Variants in CHERP observed in about 807,000 individuals in gnomAD.
CHERP encodes ERPROT 213-21.
In CHERP, 8 loss-of-function variants were observed where a neutral mutation model predicts 113.8. That is an observed-to-expected ratio of 0.07 (90% CI 0.04 to 0.13). The LOEUF is 0.13. CHERP is among the 10% of genes least tolerant of loss of function. The probability of loss-of-function intolerance (pLI) is 1.00; values close to 1 mark genes in which losing one functional copy is unlikely to be tolerated. For missense variants in CHERP, 884 were observed against 1,298.2 expected (o/e 0.68, Z 4.90); for synonymous variants, 559 against 524.5 (o/e 1.07, Z -0.90).
Position 16,520,591 on chromosome 19 carries a change from C to T in CHERP, c.2202-84G>A. 1 of 1,474,430 alleles carries T rather than the reference C, an allele frequency of 6.8e-7. No homozygotes were observed. The highest frequency in any genetic ancestry group is 1.3e-5 in the South Asian group (1 of 78,520). 91.3% of individuals were successfully genotyped at this position (1,474,430 alleles called of 1,614,324 possible). A position where few individuals can be genotyped will look rare whatever the true frequency, so the allele number is the denominator to read the frequency against. On this transcript the variant is annotated intron_variant, in intron 13 of 16. Coordinates refer to ENST00000546361, the MANE Select transcript of CHERP (RefSeq NM_006387.6). This position sits in a 1 kb window ranked among gnomAD's most constrained non-coding sequence, Gnocchi z 4.0. Reference sequence around the variant, plus strand: ...CTGGCCCTCAGGTTCCTAGACCACCCCAGATGCAGGGGCTCTGGCTGTGGA... The same window carrying T: ...CTGGCCCTCAGGTTCCTAGACCACCTCAGATGCAGGGGCTCTGGCTGTGGA...
In CHERP at chr19:16,519,411, G is replaced by A. The variant is rs967894083; in HGVS notation, c.2558-59C>T. The A allele has an allele frequency of 3.9e-6, 6 of 1,535,204 alleles. No homozygotes were observed. Among genetic ancestry groups the A allele is most frequent in the Middle Eastern group, 1.8e-4 (1 of 5,474 alleles). ...GGCGGAGGCAGATGGGGGTGCACGT[G>A]GGGGGCTGAATGTCCAGACAGGCAG... On this transcript the variant is annotated intron_variant, in intron 16 of 16. Transcript: ENST00000546361. This position sits in a 1 kb window ranked among gnomAD's most constrained non-coding sequence, Gnocchi z 6.0.
Position 16,520,612 on chromosome 19 carries a change from G to T in CHERP, c.2202-105C>A. 7.4e-7 allele frequency: 1 copy of T among 1,357,132 alleles called. No individual in the cohort carries two copies. The highest frequency in any genetic ancestry group is 1.0e-6 in the Non-Finnish European group (1 of 978,414). The allele number at this position is 1,357,132 out of a possible 1,614,324, so 84.1% of individuals were successfully genotyped here. ...CACCCCAGATGCAGGGGCTCTGGCT[G>T]TGGATGTGGCGCCATAGCCACAGCA... On this transcript the variant is annotated intron_variant, in intron 13 of 16. Coordinates refer to ENST00000546361, the MANE Select transcript of CHERP (RefSeq NM_006387.6). This position sits in a 1 kb window ranked among gnomAD's most constrained non-coding sequence, Gnocchi z 4.0.
chr19:16,536,148 G>A (rs915396421), intron 2 of CHERP, among the ~76,000 whole-genome samples: 2 of 152,280 alleles, frequency 1.3e-5, no homozygotes, highest in East Asian at 1.9e-4. Flanking sequence ...CGCACACTGC[G>A]GCCTCCCCCA....
Position 16,525,221 on chromosome 19 carries a change from C to T in CHERP, c.1741+21G>A. The T allele has an allele frequency of 7.1e-7, 1 of 1,409,352 alleles. No homozygotes were observed. Among genetic ancestry groups the T allele is most frequent in the Non-Finnish European group, 9.2e-7 (1 of 1,081,356 alleles). The allele number at this position is 1,409,352 out of a possible 1,614,324, so 87.3% of individuals were successfully genotyped here. A position where few individuals can be genotyped will look rare whatever the true frequency, so the allele number is the denominator to read the frequency against. ...CCGTGGATGCCTCCGCCAGGCCCTA[C>T]CCAGGCGCCCGTACACTCACCGGCA... is the stretch of plus-strand genomic sequence containing the variant. On this transcript the variant is annotated intron_variant, in intron 10 of 16. Transcript: ENST00000546361. This position sits in a 1 kb window ranked among gnomAD's most constrained non-coding sequence, Gnocchi z 6.5.
In CHERP at chr19:16,532,580, C is replaced by T. The variant is rs747859806; in HGVS notation, c.674+18G>A. On this transcript the variant is annotated intron_variant, in intron 5 of 16. Transcript: ENST00000546361. The surrounding 1 kb of genome is among the most constrained non-coding windows in gnomAD (Gnocchi z 4.4). ...GCGCGAGGAAGTGGCGCTCTGGGCA[C>T]GGGGTGGCGGCGCTCACCAGTGGTG... 7.6e-6 allele frequency: 12 copies of T among 1,579,844 alleles called. No homozygotes were observed. Among genetic ancestry groups the T allele is most frequent in the East Asian group, 4.5e-5 (2 of 44,214 alleles).
At chr19:16,526,380 TA>T (rs1199337947) in intron 9 of CHERP, 1 of 152,254 alleles carries the variant, frequency 6.6e-6, no homozygotes, top group East Asian at 1.9e-4. Context: ...CGCTGACCCC[TA>T]CTAAGGGGAG....
At position 16,519,882 on chromosome 19, in the gene CHERP, G is replaced by A. The variant is rs1383438829; in HGVS notation, c.2463-167C>T. ...CGTTTATCCTGTCTCAGCTAGATAA[G>A]GGGGCTCCAGACGCTGGCCCCCACC... On this transcript the variant is annotated intron_variant, in intron 15 of 16. Coordinates refer to ENST00000546361, the MANE Select transcript of CHERP (RefSeq NM_006387.6). This position sits in a 1 kb window ranked among gnomAD's most constrained non-coding sequence, Gnocchi z 6.0. The A allele has an allele frequency of 1.0e-5, 7 of 695,102 alleles. No individual in the cohort carries two copies. Among genetic ancestry groups the A allele is most frequent in the Admixed American group, 7.1e-5 (3 of 42,074 alleles). The allele number at this position is 695,102 out of a possible 1,614,324, so 43.1% of individuals were successfully genotyped here.
rs749422815 is a variant in CHERP, at chr19:16,530,687, GGA to G, written c.787-15_787-14del. On this transcript the variant is annotated splice_polypyrimidine_tract_variant and intron_variant, in intron 6 of 16. Coordinates refer to ENST00000546361, the MANE Select transcript of CHERP (RefSeq NM_006387.6). This position sits in a 1 kb window ranked among gnomAD's most constrained non-coding sequence, Gnocchi z 4.1. ...AGAGCTGCAGGAGCTGGCGGTGGGA[GGA>G]GAGAGAGGCCGGGTCAGTGGGGAGG... 1.4e-5 allele frequency: 23 copies of G among 1,613,946 alleles called. No homozygotes were observed. The highest frequency in any genetic ancestry group is 2.2e-5 in the South Asian group (2 of 91,096).
rs1044375094 is a variant in CHERP at position 16,532,344 on chromosome 19, T to C, written c.674+254A>G. ...GACAGTGGCCCCCAGGAGACAGCAA[T>C]GTGACAGGTGAGGCCGGGGTCTAGG... On this transcript the variant is annotated intron_variant, in intron 5 of 16. Transcript: ENST00000546361. This position sits in a 1 kb window ranked among gnomAD's most constrained non-coding sequence, Gnocchi z 4.4. 5.3e-5 allele frequency: 24 copies of C among 455,096 alleles called. No individual in the cohort carries two copies. The highest frequency in any genetic ancestry group is 9.0e-5 in the Non-Finnish European group (23 of 255,278). 28.2% of individuals were successfully genotyped at this position (455,096 alleles called of 1,614,324 possible). A position where few individuals can be genotyped will look rare whatever the true frequency, so the allele number is the denominator to read the frequency against.
At chr19:16,534,733 CAAAGTGCTGGGAT>C (rs2085729727) in intron 3 of CHERP, among the ~76,000 whole-genome samples, 2 of 152,162 alleles carry the variant, frequency 1.3e-5, no homozygotes, top group Non-Finnish European at 2.9e-5. Flanking sequence ...CTCAGCCTCC[CAAAGTGCTGGGAT>C]TACAGGTGTG....
At position 16,519,853 on chromosome 19, in the gene CHERP, T is replaced by C; in HGVS notation, c.2463-138A>G. 1 of 795,034 alleles carries C rather than the reference T, an allele frequency of 1.3e-6. No homozygotes were observed. The highest frequency in any genetic ancestry group is 2.2e-6 in the Non-Finnish European group (1 of 464,156). The allele number at this position is 795,034 out of a possible 1,614,324, so 49.2% of individuals were successfully genotyped here. On this transcript the variant is annotated intron_variant, in intron 15 of 16. Coordinates refer to ENST00000546361, the MANE Select transcript of CHERP (RefSeq NM_006387.6). The surrounding 1 kb of genome is among the most constrained non-coding windows in gnomAD (Gnocchi z 6.0). ...ACACCGTATGCAGATTTTGCGTCTCTACCCGTTTATCCTGTCTCAGCTAGA... is the reference window on the plus strand; with the variant it reads ...ACACCGTATGCAGATTTTGCGTCTCCACCCGTTTATCCTGTCTCAGCTAGA...
In CHERP at chr19:16,530,979, T is replaced by C. The variant is rs1174456305; in HGVS notation, c.675-99A>G. ...TCCAGCCTCAGCGCCCTCTGCCTTC[T>C]CGGGAATCGGGTCCCCAACCCGGTC... On this transcript the variant is annotated intron_variant, in intron 5 of 16. Transcript: ENST00000546361. The surrounding 1 kb of genome is among the most constrained non-coding windows in gnomAD (Gnocchi z 4.1). 2.7e-5 allele frequency: 40 copies of C among 1,506,616 alleles called. No individual in the cohort carries two copies. Among genetic ancestry groups the C allele is most frequent in the Non-Finnish European group, 3.5e-5 (39 of 1,129,596 alleles). 93.3% of individuals were successfully genotyped at this position (1,506,616 alleles called of 1,614,324 possible).
chr19:16,521,342 CTTCA>C (rs1051546973), intron 12 of CHERP, 175 bp downstream of exon 12: 14 of 600,492 alleles, frequency 2.3e-5, no homozygotes, highest in East Asian at 5.8e-5. Context: ...TTAAAACGCC[CTTCA>C]TTGAGGGCCA....
intron 9 of CHERP, among the ~76,000 whole-genome samples, chr19:16,527,765 AG>A (rs1034909477): frequency 1.3e-5 from 2 of 152,188 alleles, no homozygotes; most frequent in African/African-American, 4.8e-5. Flanking sequence ...AACCTGTTTA[AG>A]GAGGACAGGA....
rs746418645 is a variant in CHERP, at chr19:16,523,010, A to C, written c.1980+42T>G. Reference sequence around the variant, plus strand: ...TTCACAAGGAGAAACGGGGACCAGTATGGTAAGCGTGCTCAGCTTGGAGCC... The same window carrying C: ...TTCACAAGGAGAAACGGGGACCAGTCTGGTAAGCGTGCTCAGCTTGGAGCC... On this transcript the variant is annotated intron_variant, in intron 11 of 16. Coordinates refer to ENST00000546361, the MANE Select transcript of CHERP (RefSeq NM_006387.6). The surrounding 1 kb of genome is among the most constrained non-coding windows in gnomAD (Gnocchi z 4.0). 4.7e-6 allele frequency: 7 copies of C among 1,482,652 alleles called. No individual in the cohort carries two copies. In the Admixed American group the frequency reaches 7.7e-5, roughly 16 times the overall value. 91.8% of individuals were successfully genotyped at this position (1,482,652 alleles called of 1,614,324 possible). A position where few individuals can be genotyped will look rare whatever the true frequency, so the allele number is the denominator to read the frequency against.
Position 16,518,966 on chromosome 19 carries a change from AC to A in CHERP, c.*192del. ...CCTCCTGGTGTGGTTTGTGGGTGGC[AC>A]CCGTGCCCTCCACGCCATGGAGCAC... On this transcript the variant is annotated 3_prime_UTR_variant, in exon 17 of 17. Coordinates refer to ENST00000546361, the MANE Select transcript of CHERP (RefSeq NM_006387.6). The A allele has an allele frequency of 1.6e-6, 1 of 606,592 alleles. No individual in the cohort carries two copies. Among genetic ancestry groups the A allele is most frequent in the Non-Finnish European group, 2.8e-6 (1 of 352,742 alleles). The allele number at this position is 606,592 out of a possible 1,614,324, so 37.6% of individuals were successfully genotyped here. A position where few individuals can be genotyped will look rare whatever the true frequency, so the allele number is the denominator to read the frequency against.
chr19:16,538,250 G>C (rs1295510993), intron 2 of CHERP, among the ~76,000 whole-genome samples: 2 of 152,092 alleles, frequency 1.3e-5, no homozygotes, highest in East Asian at 1.9e-4. Flanking sequence ...CTCCTACTCT[G>C]GGCTTCAGCC....
At position 16,532,580 on chromosome 19, in the gene CHERP, C is replaced by A; in HGVS notation, c.674+18G>T. The A allele has an allele frequency of 6.3e-7, 1 of 1,579,964 alleles. No homozygotes were observed. The highest frequency in any genetic ancestry group is 8.6e-7 in the Non-Finnish European group (1 of 1,162,858). On this transcript the variant is annotated intron_variant, in intron 5 of 16. Coordinates refer to ENST00000546361, the MANE Select transcript of CHERP (RefSeq NM_006387.6). This position sits in a 1 kb window ranked among gnomAD's most constrained non-coding sequence, Gnocchi z 4.4. ...GCGCGAGGAAGTGGCGCTCTGGGCA[C>A]GGGGTGGCGGCGCTCACCAGTGGTG...
rs1053474071 is a variant in CHERP, at chr19:16,532,391, G to A, written c.674+207C>T. 4 of 591,562 alleles carry A rather than the reference G, an allele frequency of 6.8e-6. No individual in the cohort carries two copies. The highest frequency in any genetic ancestry group is 6.7e-5 in the Admixed American group (2 of 29,922). 36.6% of individuals were successfully genotyped at this position (591,562 alleles called of 1,614,324 possible). On this transcript the variant is annotated intron_variant, in intron 5 of 16. Coordinates refer to ENST00000546361, the MANE Select transcript of CHERP (RefSeq NM_006387.6). This position sits in a 1 kb window ranked among gnomAD's most constrained non-coding sequence, Gnocchi z 4.4. ...TAGGGGAGAGGACAGGGCATGCAGCGAAGGTGCACAGGACACCTAGACCTC... is the reference window on the plus strand; with the variant it reads ...TAGGGGAGAGGACAGGGCATGCAGCAAAGGTGCACAGGACACCTAGACCTC...
Sources: allele counts gnomAD v4.1 joint callset (sites outside exome capture counted in the v4.1 genomes callset), GRCh38; gene constraint gnomAD v4.1.1; non-coding constraint Gnocchi (gnomAD v3.1); transcripts MANE v1.5; gene names NCBI Gene and HGNC (gene_info 2026-07-23, HGNC 2026-07-21).